SARS2: variants seen among roughly 807,000 people sequenced by gnomAD.
SARS2 encodes serine--tRNA ligase, mitochondrial.
SARS2 carries 52 observed loss-of-function variants against 66.8 expected under a neutral mutation model. The ratio of observed to expected loss-of-function variants is 0.78; its 90% CI spans 0.62 to 0.98. The LOEUF is 0.98. SARS2 is among the 50% of genes least tolerant of loss of function. SARS2 has a pLI of 0.00. For synonymous variants in SARS2, 306 were observed against 281.4 expected (o/e 1.09, Z -0.87); for missense variants, 673 against 706.3 (o/e 0.95, Z 0.53).
rs765461892 is a variant in SARS2, at chr19:38,918,439, G to A, written c.899C>T (p.Ala300Val). The A allele has an allele frequency of 4.3e-6, 7 of 1,613,966 alleles. No individual in the cohort carries two copies. Among genetic ancestry groups the A allele is most frequent in the East Asian group, 2.2e-5 (1 of 44,882 alleles). The change falls in exon 9 of 16, where the codon GCG becomes GTG. Residue 300 changes from alanine (A) to valine (V), a missense_variant. Physicochemically the swap from Ala to Val is moderately conservative, Grantham distance 64. Transcript: ENST00000221431. The part of the protein sequence containing the change: ...RFKDLNLAGT[A>V]EVGLAGYFMD... Reference sequence around the variant, plus strand: ...GTCCTCACCTGCAAGCCCCACCTCCGCTGTTCCAGCCAGGTTGAGATCTTT... The same window carrying A: ...GTCCTCACCTGCAAGCCCCACCTCCACTGTTCCAGCCAGGTTGAGATCTTT...
intron 2 of SARS2, among the ~76,000 whole-genome samples, chr19:38,925,764 C>G (rs1974615844): frequency 6.6e-6 from 1 of 152,148 alleles, no homozygotes; most frequent in African/African-American, 2.4e-5. Context: ...CCTAGGGATG[C>G]CAGGGTCCTG....
chr19:38,920,665 A>AGAGACAGACACACAGATACACG (rs1491123869), intron 5 of SARS2, among the ~76,000 whole-genome samples: 1 of 151,946 alleles, frequency 6.6e-6, no homozygotes, highest in Non-Finnish European at 1.5e-5. Flanking sequence ...ACAGACACGC[A>AGAGACAGACACACAGATACACG]GAGACAGACA....
Position 38,930,475 on chromosome 19 carries a change from C to T in SARS2, c.262G>A (p.Ala88Thr), listed in dbSNP as rs1974717058. 1 of 1,595,846 alleles carries T rather than the reference C, an allele frequency of 6.3e-7. No individual in the cohort carries two copies. Among genetic ancestry groups the T allele is most frequent in the African/African-American group, 1.3e-5 (1 of 74,514 alleles). Reference protein sequence around the residue: ...KGELRSADLPAIISTWQELRQ... With the variant: ...KGELRSADLPTIISTWQELRQ... ...GCCGGCGCAGGCGCACTCACGATCG[C>T]GGGCAGGTCCGCCGAGCGCAGCTCC... is the stretch of plus-strand genomic sequence containing the variant. The change falls in exon 1 of 16, where the codon GCG (alanine) becomes ACG (threonine). Residue 88 changes from alanine (A) to threonine (T), a missense_variant. Coordinates refer to ENST00000221431, the MANE Select transcript of SARS2 (RefSeq NM_017827.4).
intron 1 of SARS2, among the ~76,000 whole-genome samples, chr19:38,929,228 A>G (rs899842645): frequency 2.0e-5 from 3 of 151,530 alleles, no homozygotes; most frequent in Non-Finnish European, 4.4e-5. Flanking sequence ...CTAGACTGTG[A>G]ACTCAGATCA....
chr19:38,918,979 T>C (rs1845166549), intron 7 of SARS2, among the ~76,000 whole-genome samples, 166 bp from the exon 8 acceptor site: 1 of 152,010 alleles, frequency 6.6e-6, no homozygotes, highest in African/African-American at 2.4e-5. Context: ...GAGGCTGAGG[T>C]GGGCGGATCA....
In SARS2 at chr19:38,922,272, T is replaced by C. The variant is rs1344401139; in HGVS notation, c.364-5A>G. 6.2e-7 allele frequency: 1 copy of C among 1,613,866 alleles called. No homozygotes were observed. On this transcript the variant is annotated splice_polypyrimidine_tract_variant and splice_region_variant and intron_variant, in intron 2 of 15. Coordinates refer to ENST00000221431, the MANE Select transcript of SARS2 (RefSeq NM_017827.4). ...TTCACCACTGTCCTGGTTTGCCTGGTAGAAAAGAGACAGGGTGGGTGATTA... is the reference window on the plus strand; with the variant it reads ...TTCACCACTGTCCTGGTTTGCCTGGCAGAAAAGAGACAGGGTGGGTGATTA...
chr19:38,916,966 ATTT>A (rs879259001), intron 12 of SARS2, among the ~76,000 whole-genome samples: 1 of 125,424 alleles, frequency 8.0e-6, no homozygotes, highest in Non-Finnish European at 1.7e-5. Flanking sequence ...CCTGGCCTTT[ATTT>A]TTTTTTTTTA....
intron 2 of SARS2, among the ~76,000 whole-genome samples, chr19:38,925,307 G>A (rs1302283637): frequency 6.6e-6 from 1 of 151,834 alleles, no homozygotes; most frequent in Admixed American, 6.6e-5. Flanking sequence ...AGTGAGACTC[G>A]GTCTCAAAAA....
chr19:38,925,471 C>T (rs138964589), intron 2 of SARS2, among the ~76,000 whole-genome samples: 41 of 152,232 alleles, frequency 2.7e-4, no homozygotes, highest in Admixed American at 9.2e-4. Context: ...TCCATTCCTC[C>T]GGCTGACAAC....
rs1344308860 is a variant in SARS2, at chr19:38,922,050, A to G, written c.393+188T>C. ...GAATGGGAGGAACGTAGGACCAAAT[A>G]TGGAGCCAGCACCTGGATCCAGCCG... On this transcript the variant is annotated intron_variant, in intron 3 of 15. Transcript: ENST00000221431. 2.6e-6 allele frequency: 4 copies of G among 1,559,764 alleles called. No individual in the cohort carries two copies. In the African/African-American group the frequency reaches 5.5e-5, roughly 21 times the overall value.
rs760744854 is a variant in SARS2, at chr19:38,930,563, C to T, written c.174G>A (p.Leu58=). 4.3e-6 allele frequency: 7 copies of T among 1,613,810 alleles called. No individual in the cohort carries two copies. Among genetic ancestry groups the T allele is most frequent in the Non-Finnish European group, 5.9e-6 (7 of 1,180,024 alleles). ...AREGYSALPQ[L]DIERFCACPE... ...GGCATGCGCAGAACCGCTCTATGTCCAGCTGAGGGAGTGCGCTGTAGCCCT... is the reference window on the plus strand; with the variant it reads ...GGCATGCGCAGAACCGCTCTATGTCTAGCTGAGGGAGTGCGCTGTAGCCCT... Residue 58 remains leucine, a synonymous_variant, in exon 1 of 16, where the codon CTG becomes CTA. Coordinates refer to ENST00000221431, the MANE Select transcript of SARS2 (RefSeq NM_017827.4).
chr19:38,920,738 C>T (rs561779837), intron 5 of SARS2, among the ~76,000 whole-genome samples: 5 of 151,412 alleles, frequency 3.3e-5, no homozygotes, highest in Non-Finnish European at 7.4e-5. Flanking sequence ...CACAAAGACA[C>T]AGATACACAG....
intron 9 of SARS2, 72 bp from the exon 10 acceptor site, chr19:38,918,211 AC>A (rs1974453617): frequency 6.7e-6 from 10 of 1,498,676 alleles, no homozygotes; most frequent in Non-Finnish European, 9.1e-6. Flanking sequence ...ATTAAGAGGC[AC>A]TCCCTCTGGT....
rs764464566 is a variant in SARS2 at position 38,915,402 on chromosome 19, C to T, written c.*204G>A. ...CAGACGTCCTGCTTCCCACTGGGAC[C>T]CTCAATGATAACAGGGTCAGTGACT... is the stretch of plus-strand genomic sequence containing the variant. On this transcript the variant is annotated 3_prime_UTR_variant, in exon 16 of 16. Transcript: ENST00000221431. The T allele has an allele frequency of 3.1e-5, 19 of 607,436 alleles. No homozygotes were observed. The highest frequency in any genetic ancestry group is 1.2e-4 in the South Asian group (6 of 50,636). The allele number at this position is 607,436 out of a possible 1,614,324, so 37.6% of individuals were successfully genotyped here.
chr19:38,917,239 C>T (rs553294112), intron 12 of SARS2, among the ~76,000 whole-genome samples: 4 of 152,212 alleles, frequency 2.6e-5, no homozygotes, highest in East Asian at 3.9e-4. Context: ...GAATTACAGG[C>T]GTGAGCCACC....
rs577688657 is a variant in SARS2, at chr19:38,930,591, C to G, written c.146G>C (p.Arg49Pro). Residue 49 changes from arginine (R) to proline (P), a missense_variant, in exon 1 of 16, where the codon CGC becomes CCC. Physicochemically the swap from Arg to Pro is moderately radical, Grantham distance 103. Coordinates refer to ENST00000221431, the MANE Select transcript of SARS2 (RefSeq NM_017827.4). ...RNRNLLYEYA[R>P]EGYSALPQLD... ...CTGAGGGAGTGCGCTGTAGCCCTCG[C>G]GCGCATACTCGTACAGGAGGTTCCG... 3.7e-6 allele frequency: 6 copies of G among 1,614,058 alleles called. No homozygotes were observed. Among genetic ancestry groups the G allele is most frequent in the Non-Finnish European group, 5.1e-6 (6 of 1,180,030 alleles).
At chr19:38,915,964 C>G (rs1974406298) in intron 14 of SARS2, 58 bp from the exon 15 acceptor site, 5 of 1,612,584 alleles carry the variant, frequency 3.1e-6, no homozygotes, top group Non-Finnish European at 3.4e-6. Flanking sequence ...CGGGGAGGAG[C>G]CAAGGTGGGT....
chr19:38,915,698 G>A lies in SARS2; in HGVS notation c.1465C>T (p.Arg489Trp), dbSNP rs374192795. Residue 489 changes from arginine (R) to tryptophan (W), a missense_variant, in exon 16 of 16, where the codon CGG becomes TGG. By Grantham distance (101) the Arg-to-Trp change is moderately radical. Transcript: ENST00000221431. ...PALQSYLGTDRITAPTHVPLQ... is the reference protein window; with the variant it reads ...PALQSYLGTDWITAPTHVPLQ... Reference sequence around the variant, plus strand: ...GGCACGTGGGTAGGGGCTGTGATCCGATCAGTGCCGAGGTAGGACTGGAGG... The same window carrying A: ...GGCACGTGGGTAGGGGCTGTGATCCAATCAGTGCCGAGGTAGGACTGGAGG... 5.0e-6 allele frequency: 8 copies of A among 1,613,260 alleles called. No individual in the cohort carries two copies. Among genetic ancestry groups the A allele is most frequent in the South Asian group, 4.4e-5 (4 of 91,044 alleles).
intron 12 of SARS2, 49 bp downstream of exon 12, chr19:38,917,675 T>TC: frequency 8.7e-6 from 6 of 686,454 alleles, no homozygotes; most frequent in Non-Finnish European, 1.1e-5. Context: ...CCCTTGTCCC[T>TC]CCCCTACCCC....
Sources: gnomAD v4.1 joint callset for allele counts (sites outside exome capture counted in the v4.1 genomes callset) on GRCh38, gnomAD v4.1.1 for gene constraint, MANE v1.5 for transcripts, NCBI Gene and HGNC (gene_info 2026-07-23, HGNC 2026-07-21) for gene names.